Variants in LUZP2 observed in about 807,000 individuals in gnomAD.
The protein encoded by LUZP2 is leucine zipper protein 2.
A neutral mutation model predicts 51.6 loss-of-function variants in LUZP2; 52 were observed. The observed-to-expected ratio is 1.01, with a 90% CI of 0.81 to 1.27. The LOEUF (loss-of-function observed/expected upper bound fraction) is 1.27. LUZP2 is among the 50% of genes most tolerant of loss of function. The probability of loss-of-function intolerance (pLI) is 0.00; values close to 1 mark genes in which losing one functional copy is unlikely to be tolerated. For missense variants in LUZP2, 436 were observed against 395.4 expected (o/e 1.10, Z -0.87); for synonymous variants, 154 against 137.3 (o/e 1.12, Z -0.85).
intron 5 of LUZP2, among the ~76,000 whole-genome samples, chr11:24,863,613 C>T (rs1057235759): frequency 2.0e-5 from 3 of 151,908 alleles, no homozygotes; most frequent in Non-Finnish European, 2.9e-5. Flanking sequence ...GGTGATAGAA[C>T]AATTCTAAAA....
rs1221436491 is a variant in LUZP2 at position 24,888,523 on chromosome 11, T to A, written c.397-17468T>A. Among the ~76,000 whole-genome samples, 5 of 152,190 alleles carry A rather than the reference T, an allele frequency of 3.3e-5. No individual in the cohort carries two copies. In the East Asian group the frequency reaches 9.6e-4, roughly 29 times the overall value. ...GGATATAATTATATTAAATATTTTGTCATCCTCTGACTTAAATTCAGGTTT... is the reference window on the plus strand; with the variant it reads ...GGATATAATTATATTAAATATTTTGACATCCTCTGACTTAAATTCAGGTTT... On this transcript the variant is annotated intron_variant, in intron 5 of 11. Transcript: ENST00000336930.
rs2404011 is a variant in LUZP2, at chr11:25,030,893, A to T, written c.766-19145A>T. On this transcript the variant is annotated intron_variant, in intron 9 of 11. Coordinates refer to ENST00000336930, the MANE Select transcript of LUZP2 (RefSeq NM_001009909.4). ...GTATATGTGTGTTACTATATATATT[A>T]TATATATATATAATATATATTGTAT... 3.8e-3 allele frequency among the ~76,000 whole-genome samples: 152 copies of T among 40,024 alleles called. 4 individuals are homozygous for T. In the South Asian group the frequency reaches 0.046, roughly 12 times the overall value. 26.3% of individuals were successfully genotyped at this position (40,024 alleles called of 152,430 possible).
intron 5 of LUZP2, among the ~76,000 whole-genome samples, chr11:24,902,783 TA>T (rs1853320192): frequency 6.6e-6 from 1 of 152,190 alleles, no homozygotes; most frequent in African/African-American, 2.4e-5. Context: ...TTTTGAAGGA[TA>T]AAAGTTAGTA....
chr11:24,990,047 C>T (rs773776901), intron 9 of LUZP2, among the ~76,000 whole-genome samples: 5 of 152,052 alleles, frequency 3.3e-5, no homozygotes, highest in Admixed American at 6.6e-5. Context: ...CTCTGATATT[C>T]GTCCATCAAT....
intron 5 of LUZP2, among the ~76,000 whole-genome samples, chr11:24,878,100 G>GTTT (rs368516003): frequency 1.1e-4 from 11 of 96,646 alleles, no homozygotes; most frequent in South Asian, 3.4e-4. Flanking sequence ...AATATTCTGT[G>GTTT]TTTTTTTTTT....
At chr11:24,643,687 A>G (rs1855377220) in intron 1 of LUZP2, among the ~76,000 whole-genome samples, 1 of 152,208 alleles carries the variant, frequency 6.6e-6, no homozygotes, top group South Asian at 2.1e-4. Context: ...TTGTAAGGCT[A>G]GTAGGAGATG....
At chr11:24,843,281 C>T (rs532843675) in intron 5 of LUZP2, among the ~76,000 whole-genome samples, 3 of 152,064 alleles carry the variant, frequency 2.0e-5, no homozygotes, top group South Asian at 2.1e-4. Flanking sequence ...TGATTTTAGA[C>T]GTATGTTTTA....
chr11:24,742,436 A>G (rs1859217394), intron 4 of LUZP2, among the ~76,000 whole-genome samples: 1 of 151,946 alleles, frequency 6.6e-6, no homozygotes. Context: ...TTTGATTTGC[A>G]TTTCCCTGAT....
chr11:25,025,221 A>G (rs1160784651), intron 9 of LUZP2, among the ~76,000 whole-genome samples: 1 of 152,122 alleles, frequency 6.6e-6, no homozygotes, highest in Non-Finnish European at 1.5e-5. Context: ...AATACCATTC[A>G]GGTCATAGGC....
At chr11:24,949,577 T>C (rs1855015341) in intron 7 of LUZP2, among the ~76,000 whole-genome samples, 1 of 151,568 alleles carries the variant, frequency 6.6e-6, no homozygotes. Context: ...GTGTGTTCTA[T>C]TGAGTCATGT....
At chr11:24,733,973 T>G (rs545938820) in intron 3 of LUZP2, among the ~76,000 whole-genome samples, 22 of 151,756 alleles carry the variant, frequency 1.4e-4, no homozygotes, top group Non-Finnish European at 2.8e-4. Context: ...TAAAAATGGC[T>G]AAAAGATGGC....
intron 1 of LUZP2, among the ~76,000 whole-genome samples, chr11:24,580,795 A>T (rs551307864): frequency 3.8e-4 from 58 of 152,292 alleles, no homozygotes; most frequent in African/African-American, 1.3e-3. Context: ...AAAGGCATTC[A>T]TCAATATACT....
intron 5 of LUZP2, among the ~76,000 whole-genome samples, chr11:24,818,760 C>T (rs1485835527): frequency 1.3e-5 from 2 of 152,020 alleles, no homozygotes; most frequent in Non-Finnish European, 2.9e-5. Flanking sequence ...CACAGAGACG[C>T]TTTCATGACC....
chr11:24,985,180 A>G (rs1488409215), intron 9 of LUZP2, among the ~76,000 whole-genome samples: 1 of 151,666 alleles, frequency 6.6e-6, no homozygotes, highest in East Asian at 1.9e-4. Context: ...CTAGTAACTA[A>G]GACAGCAAAT....
chr11:24,735,480 G>A (rs902852612), intron 3 of LUZP2, among the ~76,000 whole-genome samples: 2 of 151,882 alleles, frequency 1.3e-5, no homozygotes, highest in Admixed American at 1.3e-4. Context: ...TAGATTCCCA[G>A]AAGGCAGTTT....
intron 7 of LUZP2, among the ~76,000 whole-genome samples, chr11:24,972,647 AT>A (rs1855774537): frequency 6.6e-6 from 1 of 152,010 alleles, no homozygotes; most frequent in Non-Finnish European, 1.5e-5. Context: ...GCTGAGTTAT[AT>A]CAAAGGCCTT....
chr11:25,047,532 C>G (rs146129814), intron 9 of LUZP2, among the ~76,000 whole-genome samples: 1,682 of 151,822 alleles, frequency 0.011, 39 homozygotes, highest in African/African-American at 0.038. Flanking sequence ...AAAAACATAC[C>G]TTTTCTTCAG....
chr11:24,690,439 G>T (rs2133887585), intron 1 of LUZP2, among the ~76,000 whole-genome samples: 1 of 152,158 alleles, frequency 6.6e-6, no homozygotes, highest in East Asian at 1.9e-4. Context: ...TCCTCCTGTT[G>T]CACAAACTTA....
intron 9 of LUZP2, among the ~76,000 whole-genome samples, chr11:25,012,430 A>G (rs752541118): frequency 9.9e-5 from 15 of 152,180 alleles, no homozygotes; most frequent in Non-Finnish European, 1.8e-4. Context: ...GTCTACATCT[A>G]TTCTTTAGAA....
Sources: allele counts gnomAD v4.1 joint callset (sites outside exome capture counted in the v4.1 genomes callset), GRCh38; gene constraint gnomAD v4.1.1; transcripts MANE v1.5; gene names NCBI Gene and HGNC (gene_info 2026-07-23, HGNC 2026-07-21).